Variants in SPECC1L observed in about 807,000 individuals in gnomAD.
SPECC1L encodes sperm antigen with calponin homology and coiled-coil domains 1 like, also known as cytospin-A.
In SPECC1L, 40 loss-of-function variants were observed where a neutral mutation model predicts 116.8. That is an observed-to-expected ratio of 0.34 (90% CI 0.27 to 0.45). The LOEUF is 0.45. Ranked by LOEUF, SPECC1L falls within the 20% of genes least tolerant of loss-of-function variation. The pLI, the probability that SPECC1L is intolerant of heterozygous loss-of-function variation, is 1.00. For missense variants in SPECC1L, 1,110 were observed against 1,373.6 expected (o/e 0.81, Z 3.03); for synonymous variants, 504 against 500.6 (o/e 1.01, Z -0.09).
intron 1 of SPECC1L, among the ~76,000 whole-genome samples, chr22:24,275,172 C>T (rs1337510817): frequency 2.0e-5 from 3 of 152,258 alleles, no homozygotes; most frequent in Non-Finnish European, 4.4e-5. Context: ...TCGTCTGCGG[C>T]CTCCACTGGA....
Position 24,412,712 on chromosome 22 carries a change from G to A in SPECC1L, c.3264+5G>A. The A allele has an allele frequency of 6.2e-7, 1 of 1,614,068 alleles. No individual in the cohort carries two copies. The highest frequency in any genetic ancestry group is 8.5e-7 in the Non-Finnish European group (1 of 1,180,008). On this transcript the variant is annotated splice_donor_5th_base_variant and intron_variant, in intron 16 of 16. Coordinates refer to ENST00000314328, the MANE Select transcript of SPECC1L (RefSeq NM_015330.6). Reference sequence around the variant, plus strand: ...GTCGGCATCAAATCCACACTGGTGAGCCCTTGTCCCCCTGAGTCACTGGCA... The same window carrying A: ...GTCGGCATCAAATCCACACTGGTGAACCCTTGTCCCCCTGAGTCACTGGCA...
chr22:24,407,319 C>G (rs1156287336), intron 14 of SPECC1L, among the ~76,000 whole-genome samples: 2 of 152,222 alleles, frequency 1.3e-5, no homozygotes, highest in Non-Finnish European at 2.9e-5. Context: ...AAAGAAGTCT[C>G]TCTTCCCGGA....
At chr22:24,345,455 CAACTTAA>C (rs1368642358) in intron 10 of SPECC1L, among the ~76,000 whole-genome samples, 42 of 151,906 alleles carry the variant, frequency 2.8e-4, no homozygotes, top group Middle Eastern at 3.4e-3. Context: ...ATAAATTAGG[CAACTTAA>C]AACTTAAAAC....
At chr22:24,412,167 C>T in intron 15 of SPECC1L, 1 of 346,796 alleles carries the variant, frequency 2.9e-6, no homozygotes, top group Non-Finnish European at 5.6e-6. Flanking sequence ...AATGTTTCAT[C>T]CAGATAGTTC....
chr22:24,296,923 A>G (rs1427164569), intron 2 of SPECC1L, among the ~76,000 whole-genome samples: 1 of 150,994 alleles, frequency 6.6e-6, no homozygotes, highest in Non-Finnish European at 1.5e-5. Flanking sequence ...AACTTTTCCT[A>G]TGATCTGCAC....
At chr22:24,274,268 A>G (rs1161054172) in intron 1 of SPECC1L, among the ~76,000 whole-genome samples, 1 of 152,220 alleles carries the variant, frequency 6.6e-6, no homozygotes, top group African/African-American at 2.4e-5. Context: ...TATTTTGGGT[A>G]TGTTGAGAGG....
chr22:24,362,592 C>T (rs2041667743), intron 11 of SPECC1L, among the ~76,000 whole-genome samples: 1 of 152,162 alleles, frequency 6.6e-6, no homozygotes. Context: ...AAGCCCCTTT[C>T]CCTGCTGTCC....
intron 14 of SPECC1L, among the ~76,000 whole-genome samples, chr22:24,410,441 C>T (rs1232637818): frequency 1.3e-5 from 2 of 152,180 alleles, no homozygotes; most frequent in African/African-American, 4.8e-5. Context: ...CTCCTGTGCC[C>T]CATGCTTCTT....
In SPECC1L at chr22:24,303,207, A is replaced by T. The variant is rs144531084; in HGVS notation, c.153+823A>T. Among the ~76,000 whole-genome samples the T allele has an allele frequency of 3.9e-3, 601 of 152,280 alleles. 6 individuals carry two copies. Among genetic ancestry groups the T allele is most frequent in the African/African-American group, 0.013 (560 of 41,544 alleles). On this transcript the variant is annotated intron_variant, in intron 3 of 16. Coordinates refer to ENST00000314328, the MANE Select transcript of SPECC1L (RefSeq NM_015330.6). ...AGAAGGAACTCAGGAACAGCCGATG[A>T]GGAACTTCCTTATATGTGTAGAAAG... is the stretch of plus-strand genomic sequence containing the variant.
chr22:24,381,972 A>G (rs2042070865), intron 14 of SPECC1L, among the ~76,000 whole-genome samples: 1 of 152,298 alleles, frequency 6.6e-6, no homozygotes, highest in Admixed American at 6.5e-5. Flanking sequence ...GAAGTTAGGA[A>G]ATAAAAATAG....
At chr22:24,395,739 G>A (rs1022456021) in intron 14 of SPECC1L, among the ~76,000 whole-genome samples, 3 of 152,128 alleles carry the variant, frequency 2.0e-5, no homozygotes, top group Admixed American at 6.5e-5. Context: ...CCAGTTTCAA[G>A]CAATTCTCGT....
At chr22:24,319,095 A>G (rs2040665337) in intron 4 of SPECC1L, among the ~76,000 whole-genome samples, 1 of 152,094 alleles carries the variant, frequency 6.6e-6, no homozygotes, top group South Asian at 2.1e-4. Context: ...ACCTGCCCAC[A>G]TTCCTCCTCT....
chr22:24,303,614 T>G (rs2049427188), intron 3 of SPECC1L, among the ~76,000 whole-genome samples: 3 of 152,200 alleles, frequency 2.0e-5, no homozygotes, highest in South Asian at 2.1e-4. Context: ...ACTGCTGCCT[T>G]CCTTCTGTGG....
intron 11 of SPECC1L, among the ~76,000 whole-genome samples, chr22:24,347,543 C>T (rs997150842): frequency 5.3e-5 from 8 of 152,148 alleles, no homozygotes; most frequent in Admixed American, 2.0e-4. Context: ...TAAGCAGTAG[C>T]CCAGGGCAGC....
At chr22:24,385,985 A>G (rs562106144) in intron 14 of SPECC1L, among the ~76,000 whole-genome samples, 12 of 152,340 alleles carry the variant, frequency 7.9e-5, no homozygotes, top group Non-Finnish European at 1.2e-4. Context: ...AATTGGCCAC[A>G]TGCACTGTCA....
chr22:24,344,592 C>CA (rs35725042), intron 10 of SPECC1L, among the ~76,000 whole-genome samples: 1,206 of 117,914 alleles, frequency 0.01, 21 homozygotes, highest in South Asian at 0.036. Context: ...TGCATAAGAC[C>CA]AAAAAAAAAA....
intron 7 of SPECC1L, 78 bp downstream of exon 7, chr22:24,328,997 C>A: frequency 9.0e-7 from 1 of 1,111,216 alleles, no homozygotes; most frequent in Non-Finnish European, 1.4e-6. Flanking sequence ...ACCATGTTAT[C>A]ATTCATCTTA....
chr22:24,407,701 C>T (rs761567392), intron 14 of SPECC1L, among the ~76,000 whole-genome samples: 2 of 152,208 alleles, frequency 1.3e-5, no homozygotes, highest in Admixed American at 1.3e-4. Context: ...CACTTAGTCC[C>T]TTAGACCTGG....
At chr22:24,304,920 G>A (rs184882136) in intron 3 of SPECC1L, among the ~76,000 whole-genome samples, 35 of 152,252 alleles carry the variant, frequency 2.3e-4, no homozygotes, top group Non-Finnish European at 4.3e-4. Context: ...ATTTGTGTCC[G>A]GAATGCTTGT....
Sources: allele counts gnomAD v4.1 joint callset (sites outside exome capture counted in the v4.1 genomes callset), GRCh38; gene constraint gnomAD v4.1.1; transcripts MANE v1.5; gene names NCBI Gene and HGNC (gene_info 2026-07-23, HGNC 2026-07-21).